Variants in CNTN4 observed in about 807,000 individuals in gnomAD.
CNTN4 encodes contactin 4, also known as contactin-4.
Under a neutral mutation model 122.5 loss-of-function variants are expected in CNTN4, and 77 were observed. The ratio of observed to expected loss-of-function variants is 0.63; its 90% CI spans 0.52 to 0.76. CNTN4 has a LOEUF of 0.76. Ranked by LOEUF, CNTN4 falls within the 30% of genes least tolerant of loss-of-function variation. The pLI is 0.00. For synonymous variants in CNTN4, 512 were observed against 447.0 expected (o/e 1.15, Z -1.83); for missense variants, 1,256 against 1,259.1 (o/e 1.00, Z 0.04).
intron 6 of CNTN4, among the ~76,000 whole-genome samples, chr3:2,792,527 G>T (rs2149984637): frequency 6.6e-6 from 1 of 152,296 alleles, no homozygotes; most frequent in East Asian, 1.9e-4. Flanking sequence ...ACTAATTCTG[G>T]CTGTGAGCTT....
rs369851125 is a variant in CNTN4 at position 2,179,768 on chromosome 3, A to G, written c.-145+79129A>G. ...CAGACATTCATTAAAGAGCAACTCT[A>G]TATACTAGCACTCTCCTTTAGAAAT... On this transcript the variant is annotated intron_variant, in intron 2 of 24. Coordinates refer to ENST00000418658, the MANE Select transcript of CNTN4 (RefSeq NM_175607.3). Among the ~76,000 whole-genome samples the G allele has an allele frequency of 3.3e-5, 5 of 152,070 alleles. No homozygotes were observed. The South Asian group carries it at 6.2e-4, about 19-fold the overall frequency.
intron 2 of CNTN4, among the ~76,000 whole-genome samples, chr3:2,197,595 G>T (rs1009127408): frequency 6.6e-6 from 1 of 151,938 alleles, no homozygotes; most frequent in Admixed American, 6.6e-5. Context: ...TCTCATCAAT[G>T]GTCAGATCTG....
intron 5 of CNTN4, among the ~76,000 whole-genome samples, chr3:2,741,465 A>AATG (rs1387159603): frequency 6.6e-6 from 1 of 152,198 alleles, no homozygotes; most frequent in East Asian, 1.9e-4. Flanking sequence ...GTGAACATGT[A>AATG]ATTTATCATC....
At chr3:2,490,940 C>T (rs1192150846) in intron 3 of CNTN4, among the ~76,000 whole-genome samples, 1 of 152,108 alleles carries the variant, frequency 6.6e-6, no homozygotes, top group Non-Finnish European at 1.5e-5. Flanking sequence ...TCCCAGTTGA[C>T]AGAATGACCT....
chr3:2,791,454 G>A (rs1259829680), intron 6 of CNTN4, among the ~76,000 whole-genome samples: 1 of 151,764 alleles, frequency 6.6e-6, no homozygotes, highest in Non-Finnish European at 1.5e-5. Context: ...GATCACCTGA[G>A]CCCAGGAGGT....
chr3:2,708,719 C>T (rs909845981), intron 4 of CNTN4, among the ~76,000 whole-genome samples: 32 of 141,178 alleles, frequency 2.3e-4, no homozygotes, highest in Non-Finnish European at 3.3e-4. Flanking sequence ...GGCACGCGCA[C>T]GCGCGCATCA....
In CNTN4 at chr3:2,190,789, T is replaced by TTATAC. The variant is rs2037493449; in HGVS notation, c.-145+90150_-145+90151insTATAC. On this transcript the variant is annotated intron_variant, in intron 2 of 24. Transcript: ENST00000418658. ...ATAGTGCATACATTGGTATACAGCT[T>TTATAC]AAGGTGAGGACTTTATGCACACACA... Among the ~76,000 whole-genome samples the TTATAC allele has an allele frequency of 2.0e-5, 3 of 150,876 alleles. No homozygotes were observed. The South Asian group carries it at 6.3e-4, about 32-fold the overall frequency.
intron 15 of CNTN4, among the ~76,000 whole-genome samples, 179 bp downstream of exon 15, chr3:3,026,456 C>T (rs759795660): frequency 9.9e-5 from 15 of 152,122 alleles, no homozygotes; most frequent in Non-Finnish European, 1.9e-4. Context: ...CTCTATATGG[C>T]AGGACTGCTC....
intron 2 of CNTN4, among the ~76,000 whole-genome samples, chr3:2,156,695 T>A (rs2035736591): frequency 6.6e-6 from 1 of 152,232 alleles, no homozygotes; most frequent in Non-Finnish European, 1.5e-5. Context: ...AAGTCATTTA[T>A]CACAGACAGC....
At chr3:2,916,835 T>A (rs1365196143) in intron 12 of CNTN4, among the ~76,000 whole-genome samples, 3 of 150,314 alleles carry the variant, frequency 2.0e-5, no homozygotes, top group Admixed American at 2.0e-4. Context: ...CGCTCCTCAG[T>A]TCCCAGACGG....
chr3:2,118,937 T>G (rs1450568151), intron 2 of CNTN4, among the ~76,000 whole-genome samples: 1 of 152,216 alleles, frequency 6.6e-6, no homozygotes, highest in Non-Finnish European at 1.5e-5. Context: ...TAAATGACAT[T>G]ACAGGGTCCA....
chr3:2,684,162 A>G (rs994050204), intron 4 of CNTN4, among the ~76,000 whole-genome samples: 3 of 152,162 alleles, frequency 2.0e-5, no homozygotes, highest in African/African-American at 7.2e-5. Context: ...AAATTTAAAT[A>G]CAAGGGGAAG....
intron 3 of CNTN4, among the ~76,000 whole-genome samples, chr3:2,414,015 G>A (rs142227584): frequency 2.1e-3 from 313 of 152,130 alleles, no homozygotes; most frequent in Non-Finnish European, 2.8e-3. Flanking sequence ...GTTGAATACC[G>A]AGGATGGCAC....
intron 13 of CNTN4, among the ~76,000 whole-genome samples, chr3:2,976,212 T>C (rs1456831850): frequency 1.3e-5 from 2 of 152,222 alleles, no homozygotes; most frequent in African/African-American, 2.4e-5. Flanking sequence ...CTGTGATCTT[T>C]AATACTCATC....
At chr3:2,626,193 C>T (rs962718201) in intron 4 of CNTN4, among the ~76,000 whole-genome samples, 2 of 152,064 alleles carry the variant, frequency 1.3e-5, no homozygotes, top group African/African-American at 4.8e-5. Flanking sequence ...CATAGTTGAG[C>T]CCATTAAGTT....
intron 3 of CNTN4, among the ~76,000 whole-genome samples, chr3:2,450,395 T>TAAAA (rs771658783): frequency 6.7e-6 from 1 of 149,160 alleles, no homozygotes; most frequent in Non-Finnish European, 1.5e-5. Flanking sequence ...AATAAATAAA[T>TAAAA]AAAATAAAAA....
intron 4 of CNTN4, among the ~76,000 whole-genome samples, chr3:2,648,721 G>T (rs1600359): frequency 6.6e-6 from 1 of 151,862 alleles, no homozygotes; most frequent in Non-Finnish European, 1.5e-5. Context: ...AGGAAGAAGC[G>T]TACATCTTTC....
intron 4 of CNTN4, among the ~76,000 whole-genome samples, chr3:2,651,734 A>G (rs1207774715): frequency 2.8e-5 from 4 of 144,826 alleles, no homozygotes; most frequent in African/African-American, 7.7e-5. Context: ...ACGGAGTCTC[A>G]CTCTGTTGCC....
At chr3:2,462,606 C>A (rs2049269715) in intron 3 of CNTN4, among the ~76,000 whole-genome samples, 1 of 152,100 alleles carries the variant, frequency 6.6e-6, no homozygotes, top group African/African-American at 2.4e-5. Flanking sequence ...ATCAGTCATG[C>A]AGCTCAATTA....
Sources: gnomAD v4.1 joint callset for allele counts (sites outside exome capture counted in the v4.1 genomes callset) on GRCh38, gnomAD v4.1.1 for gene constraint, MANE v1.5 for transcripts, NCBI Gene and HGNC (gene_info 2026-07-23, HGNC 2026-07-21) for gene names.